The following IPO7 variants were observed in gnomAD, a reference collection of about 807,000 sequenced individuals.
IPO7 encodes the protein importin 7.
A neutral mutation model predicts 136.4 loss-of-function variants in IPO7; 13 were observed. That is an observed-to-expected ratio of 0.10 (90% CI 0.06 to 0.15). The LOEUF (loss-of-function observed/expected upper bound fraction) is 0.15. Ranked by LOEUF, IPO7 falls within the 10% of genes least tolerant of loss-of-function variation. The pLI is 1.00. For synonymous variants in IPO7, 403 were observed against 404.4 expected (o/e 1.00, Z 0.04); for missense variants, 857 against 1,240.6 (o/e 0.69, Z 4.65).
At chr11:9,395,293 G>T (rs1263978362) in intron 1 of IPO7, among the ~76,000 whole-genome samples, 1 of 151,982 alleles carries the variant, frequency 6.6e-6, no homozygotes, top group Non-Finnish European at 1.5e-5. Flanking sequence ...GCCCAGGCTA[G>T]AGTGCAGTGG....
chr11:9,404,549 G>A (rs553911266), intron 2 of IPO7, among the ~76,000 whole-genome samples: 15 of 150,444 alleles, frequency 1.0e-4, no homozygotes, highest in African/African-American at 2.9e-4. Context: ...TCTTTACATA[G>A]TTCCGGTCTT....
chr11:9,410,453 C>CT (rs893378941), intron 4 of IPO7, among the ~76,000 whole-genome samples: 73 of 151,788 alleles, frequency 4.8e-4, no homozygotes, highest in African/African-American at 1.6e-3. Flanking sequence ...TTACTTGTGG[C>CT]TTTTTTTTCT....
At chr11:9,394,212 A>T (rs10770027) in intron 1 of IPO7, among the ~76,000 whole-genome samples, 4 of 151,948 alleles carry the variant, frequency 2.6e-5, no homozygotes, top group African/African-American at 4.8e-5. Flanking sequence ...TTTTCCACGC[A>T]GTCAGAGGGG....
intron 22 of IPO7, among the ~76,000 whole-genome samples, chr11:9,440,082 G>T (rs73406232): frequency 0.021 from 3,251 of 152,206 alleles, 114 homozygotes; most frequent in African/African-American, 0.073. Context: ...AATATTAAGA[G>T]AAATTATTAT....
intron 6 of IPO7, among the ~76,000 whole-genome samples, chr11:9,419,559 A>AATATATATAT (rs1244588095): frequency 1.9e-4 from 22 of 116,838 alleles, no homozygotes; most frequent in African/African-American, 7.1e-4. Context: ...AAAAAAAAAA[A>AATATATATAT]ATATATATAT....
At chr11:9,410,195 G>A (rs1394324448) in intron 4 of IPO7, 109 bp downstream of exon 4, 4 of 671,890 alleles carry the variant, frequency 6.0e-6, no homozygotes, top group Non-Finnish European at 8.9e-6. Context: ...AATAAAATTA[G>A]TGAATTATAT....
intron 22 of IPO7, 56 bp downstream of exon 22, chr11:9,438,341 A>ACTGG: frequency 8.7e-7 from 1 of 1,148,914 alleles, no homozygotes; most frequent in Non-Finnish European, 1.3e-6. Context: ...ATATTACCGC[A>ACTGG]CTGGGCCGGG....
In IPO7 at chr11:9,428,756, T is replaced by C. The variant is rs545594029; in HGVS notation, c.1425+127T>C. ...TCTTATTTTAGGTTTCTGTTTAATG[T>C]AAATCTTTACATGGCTGCTGTAATG... On this transcript the variant is annotated intron_variant, in intron 13 of 24. Transcript: ENST00000379719. The C allele has an allele frequency of 2.8e-5, 22 of 796,010 alleles. No homozygotes were observed. The South Asian group carries it at 3.0e-4, about 11-fold the overall frequency. The allele number at this position is 796,010 out of a possible 1,614,324, so 49.3% of individuals were successfully genotyped here. A position where few individuals can be genotyped will look rare whatever the true frequency, so the allele number is the denominator to read the frequency against.
intron 1 of IPO7, 59 bp from the exon 2 acceptor site, chr11:9,403,231 C>T (rs1347785364): frequency 4.3e-6 from 5 of 1,153,846 alleles, no homozygotes; most frequent in Non-Finnish European, 6.5e-6. Context: ...CCTCTTTGAT[C>T]TGTAATTTTA....
chr11:9,419,029 T>G (rs1855084659), intron 6 of IPO7, among the ~76,000 whole-genome samples: 1 of 152,226 alleles, frequency 6.6e-6, no homozygotes, highest in Admixed American at 6.5e-5. Flanking sequence ...TAGTTTTACT[T>G]TTTCAGTATT....
In IPO7 at chr11:9,442,408, TTTTG is replaced by T. The variant is rs879419914; in HGVS notation, c.3019+232_3019+235del. On this transcript the variant is annotated intron_variant, in intron 24 of 24. Coordinates refer to ENST00000379719, the MANE Select transcript of IPO7 (RefSeq NM_006391.3). ...GCTACAGTTGGCTTTTTTCGTTTTT[TTTTG>T]TTTGTTTGTTTGTTTGTTTGAGATG... Among the ~76,000 whole-genome samples the T allele has an allele frequency of 3.9e-3, 598 of 152,078 alleles. 4 individuals carry two copies. Among genetic ancestry groups the T allele is most frequent in the African/African-American group, 0.011 (467 of 41,468 alleles).
intron 9 of IPO7, 22 bp from the exon 10 acceptor site, chr11:9,423,755 T>C: frequency 6.8e-7 from 1 of 1,459,920 alleles, no homozygotes; most frequent in African/African-American, 1.4e-5. Context: ...TGGTTATTGT[T>C]TTCTTAACTT....
rs760187236 is a variant in IPO7, at chr11:9,408,563, A to T, written c.244A>T (p.Thr82Ser). The T allele has an allele frequency of 4.4e-5, 71 of 1,608,184 alleles. No individual in the cohort carries two copies. Among genetic ancestry groups the T allele is most frequent in the Non-Finnish European group, 4.5e-5 (53 of 1,175,724 alleles). ...ETAPGDISPY[T>S]IPEEDRHCIR... ...AGCACCAGGGGATATATCCCCTTAT[A>T]CTATTCCAGAAGAAGATCGCCATTG... Residue 82 changes from threonine (T) to serine (S), a missense_variant, in exon 3 of 25, where the codon ACT becomes TCT. Thr to Ser is a moderately conservative substitution (Grantham distance 58). Around this residue, in one of 11 missense-constraint regions of IPO7, gnomAD observed 287 missense variants for 307.5 expected, o/e 0.93. Transcript: ENST00000379719.
At chr11:9,397,524 C>CTGGG (rs1485430520) in intron 1 of IPO7, among the ~76,000 whole-genome samples, 1 of 150,294 alleles carries the variant, frequency 6.7e-6, no homozygotes, top group African/African-American at 2.5e-5. Context: ...AGCCACTGTG[C>CTGGG]TGGGCAGTTT....
At position 9,420,398 on chromosome 11, in the gene IPO7, T is replaced by C. The variant is rs764538568; in HGVS notation, c.727-13T>C. The C allele has an allele frequency of 3.9e-6, 6 of 1,527,402 alleles. No homozygotes were observed. In the East Asian group the frequency reaches 1.3e-4, roughly 34 times the overall value. 94.6% of individuals were successfully genotyped at this position (1,527,402 alleles called of 1,614,324 possible). The stretch of plus-strand genomic sequence containing the variant: ...TGTATTATCTCTATCATTAAATAAG[T>C]GTCTTTTTAAAGGAAACACTTCAAG... On this transcript the variant is annotated splice_polypyrimidine_tract_variant and intron_variant, in intron 6 of 24. Transcript: ENST00000379719.
At chr11:9,434,814 A>T in intron 18 of IPO7, 120 bp from the exon 19 acceptor site, 4 of 658,794 alleles carry the variant, frequency 6.1e-6, no homozygotes, top group Non-Finnish European at 1.1e-5. Flanking sequence ...CCCCAAAAAA[A>T]GGTGAATGTT....
At position 9,428,533 on chromosome 11, in the gene IPO7, T is replaced by C; in HGVS notation, c.1336-7T>C. On this transcript the variant is annotated splice_polypyrimidine_tract_variant and splice_region_variant and intron_variant, in intron 12 of 24. Transcript: ENST00000379719. Reference sequence around the variant, plus strand: ...TGTATCAAAATAACTGTTGTTTATATTTACAGAAAAAGATCTATAAAGATC... The same window carrying C: ...TGTATCAAAATAACTGTTGTTTATACTTACAGAAAAAGATCTATAAAGATC... 1 of 1,302,174 alleles carries C rather than the reference T, an allele frequency of 7.7e-7. No homozygotes were observed. The highest frequency in any genetic ancestry group is 1.1e-6 in the Non-Finnish European group (1 of 923,560). 80.7% of individuals were successfully genotyped at this position (1,302,174 alleles called of 1,614,324 possible). A position where few individuals can be genotyped will look rare whatever the true frequency, so the allele number is the denominator to read the frequency against.
In IPO7 at chr11:9,384,664, G is replaced by T; in HGVS notation, c.-100G>T. 1.0e-6 allele frequency: 1 copy of T among 996,580 alleles called. No individual in the cohort carries two copies. The highest frequency in any genetic ancestry group is 1.5e-6 in the Non-Finnish European group (1 of 678,040). The allele number at this position is 996,580 out of a possible 1,614,324, so 61.7% of individuals were successfully genotyped here. A position where few individuals can be genotyped will look rare whatever the true frequency, so the allele number is the denominator to read the frequency against. On this transcript the variant is annotated 5_prime_UTR_variant, in exon 1 of 25. Coordinates refer to ENST00000379719, the MANE Select transcript of IPO7 (RefSeq NM_006391.3). The stretch of plus-strand genomic sequence containing the variant: ...GGCGCTTCTCTTTCCTTTCGCGCCG[G>T]TTGCCGCTGCGGAGCGCGGCGGGTC...
At position 9,435,051 on chromosome 11, in the gene IPO7, C is replaced by G. The variant is rs774300717; in HGVS notation, c.2172+20C>G. The G allele has an allele frequency of 4.1e-5, 57 of 1,387,322 alleles. No individual in the cohort carries two copies. Among genetic ancestry groups the G allele is most frequent in the Non-Finnish European group, 5.2e-5 (51 of 977,428 alleles). 85.9% of individuals were successfully genotyped at this position (1,387,322 alleles called of 1,614,324 possible). On this transcript the variant is annotated intron_variant, in intron 19 of 24. Coordinates refer to ENST00000379719, the MANE Select transcript of IPO7 (RefSeq NM_006391.3). ...AAAAAGGTAGGTCATTTTTATATAT[C>G]AGATTTCATGAGGCTTCTGCTATAA...
Sources: gnomAD v4.1 joint callset for allele counts (sites outside exome capture counted in the v4.1 genomes callset) on GRCh38, gnomAD v4.1.1 for gene constraint, gnomAD v4.1.1 regional missense constraint, MANE v1.5 for transcripts, NCBI Gene and HGNC (gene_info 2026-07-23, HGNC 2026-07-21) for gene names.